NPAS3: variants seen among roughly 807,000 people sequenced by gnomAD.
NPAS3 encodes neuronal PAS domain protein 3.
NPAS3 carries 14 observed loss-of-function variants against 73.1 expected under a neutral mutation model. The ratio of observed to expected loss-of-function variants is 0.19; its 90% CI spans 0.13 to 0.30. The LOEUF is 0.30. Ranked by LOEUF, NPAS3 falls within the 10% of genes least tolerant of loss-of-function variation. The pLI, the probability that NPAS3 is intolerant of heterozygous loss-of-function variation, is 1.00. For missense variants in NPAS3, 1,096 were observed against 1,250.0 expected (o/e 0.88, Z 1.86); for synonymous variants, 620 against 541.5 (o/e 1.14, Z -2.01).
rs114999255 is a variant in NPAS3, at chr14:33,172,312, C to T, written c.141-42870C>T. On this transcript the variant is annotated intron_variant, in intron 2 of 11. Coordinates refer to ENST00000356141, the Ensembl canonical transcript of NPAS3. Reference sequence around the variant, plus strand: ...CACAGTGAAGCGAAATGCAGTAAGACGAAGTATGCCTGTACTTGAGAGTAG... The same window carrying T: ...CACAGTGAAGCGAAATGCAGTAAGATGAAGTATGCCTGTACTTGAGAGTAG... Among the ~76,000 whole-genome samples, 1,313 of 152,260 alleles carry T rather than the reference C, an allele frequency of 8.6e-3. 24 individuals are homozygous for T. Among genetic ancestry groups the T allele is most frequent in the African/African-American group, 0.03 (1,264 of 41,536 alleles).
intron 5 of NPAS3, among the ~76,000 whole-genome samples, chr14:33,614,514 T>A (rs1206692663): frequency 6.6e-6 from 1 of 152,132 alleles, no homozygotes; most frequent in Non-Finnish European, 1.5e-5. Context: ...GGATGAGGGG[T>A]CCAGTCCCTG....
At chr14:33,636,746 C>T (rs546762127) in intron 5 of NPAS3, among the ~76,000 whole-genome samples, 16 of 152,256 alleles carry the variant, frequency 1.1e-4, no homozygotes, top group African/African-American at 3.6e-4. Context: ...ATTCCAGAAA[C>T]CCACTGCCTG....
intron 2 of NPAS3, among the ~76,000 whole-genome samples, chr14:33,094,626 C>T (rs1275511575): frequency 1.3e-5 from 2 of 152,082 alleles, no homozygotes; most frequent in African/African-American, 4.8e-5. Flanking sequence ...CCATCATGCC[C>T]AGCTAATTTT....
chr14:33,251,006 A>G (rs2048563282), intron 3 of NPAS3, among the ~76,000 whole-genome samples: 1 of 152,160 alleles, frequency 6.6e-6, no homozygotes, highest in Non-Finnish European at 1.5e-5. Context: ...GGTAAAATAC[A>G]GTATATATTG....
At chr14:33,196,422 T>G (rs1302008564) in intron 2 of NPAS3, among the ~76,000 whole-genome samples, 1 of 152,214 alleles carries the variant, frequency 6.6e-6, no homozygotes, top group East Asian at 1.9e-4. Flanking sequence ...GGAAGCAAAC[T>G]CTACTTTTCA....
Position 33,104,463 on chromosome 14 carries a change from T to C in NPAS3, c.140+48469T>C, listed in dbSNP as rs2042664327. Among the ~76,000 whole-genome samples the C allele has an allele frequency of 2.0e-5, 3 of 152,212 alleles. No homozygotes were observed. The South Asian group carries it at 6.2e-4, about 32-fold the overall frequency. ...GTAGAAATTTTATATATAGTGAACTTGTCAAAAAGAAACTACAAATTTCTT... is the reference window on the plus strand; with the variant it reads ...GTAGAAATTTTATATATAGTGAACTCGTCAAAAAGAAACTACAAATTTCTT... On this transcript the variant is annotated intron_variant, in intron 2 of 11. Transcript: ENST00000356141.
At chr14:33,110,534 T>C (rs2042857682) in intron 2 of NPAS3, among the ~76,000 whole-genome samples, 1 of 152,172 alleles carries the variant, frequency 6.6e-6, no homozygotes. Flanking sequence ...ACCTTTTCAA[T>C]TTTTTAAGGG....
chr14:33,124,553 ATAT>A (rs1239719073), intron 2 of NPAS3, among the ~76,000 whole-genome samples: 2 of 152,122 alleles, frequency 1.3e-5, no homozygotes, highest in Non-Finnish European at 2.9e-5. Context: ...TCAGTACTAG[ATAT>A]TTTTATTGCT....
intron 7 of NPAS3, among the ~76,000 whole-genome samples, chr14:33,762,843 T>C (rs2062338002): frequency 6.6e-6 from 1 of 152,236 alleles, no homozygotes; most frequent in South Asian, 2.1e-4. Flanking sequence ...TTGCATATGC[T>C]GAATAGATAA....
chr14:33,647,802 G>C (rs1567086139), intron 5 of NPAS3, among the ~76,000 whole-genome samples: 1 of 152,052 alleles, frequency 6.6e-6, no homozygotes, highest in South Asian at 2.1e-4. Flanking sequence ...GGTTTCAGCT[G>C]CTTTTTCCTT....
chr14:33,644,994 T>A (rs906464916), intron 5 of NPAS3, among the ~76,000 whole-genome samples: 1 of 149,468 alleles, frequency 6.7e-6, no homozygotes, highest in Non-Finnish European at 1.5e-5. Flanking sequence ...GGCAGGAGAA[T>A]CGCTTGAAAC....
At chr14:33,801,851 G>C (rs1369547964), downstream of NPAS3, 2 of 151,770 alleles carry the variant, frequency 1.3e-5, no homozygotes, top group Non-Finnish European at 2.9e-5. Context: ...CTCCTGGGCT[G>C]GGTTTTGGGG....
chr14:33,586,248 T>TGTTTTTTTTTTTTTTTTTTTTTTGAGACG (rs2056857342), intron 5 of NPAS3, among the ~76,000 whole-genome samples: 1 of 150,398 alleles, frequency 6.6e-6, no homozygotes, highest in African/African-American at 2.5e-5. Context: ...GATGTTTTAT[T>TGTTTTTTTTTTTTTTTTTTTTTTGAGACG]GACTGTTTCA....
intron 2 of NPAS3, among the ~76,000 whole-genome samples, chr14:33,105,735 T>C (rs974001): frequency 0.23 from 34,541 of 151,950 alleles, 4,394 homozygotes; most frequent in East Asian, 0.44. Flanking sequence ...GCATACATAT[T>C]GAACATATAT....
chr14:33,673,598 C>A (rs1312897879), intron 5 of NPAS3, among the ~76,000 whole-genome samples: 1 of 152,202 alleles, frequency 6.6e-6, no homozygotes, highest in Non-Finnish European at 1.5e-5. Context: ...AAAGTGATTT[C>A]TTCTGCATAG....
At chr14:33,253,564 T>C (rs1415629774) in intron 3 of NPAS3, among the ~76,000 whole-genome samples, 2 of 152,098 alleles carry the variant, frequency 1.3e-5, no homozygotes, top group Non-Finnish European at 2.9e-5. Context: ...TGCTTATTAC[T>C]ACCTTATTTA....
intron 5 of NPAS3, among the ~76,000 whole-genome samples, chr14:33,625,452 G>T: frequency 6.6e-6 from 1 of 152,260 alleles, no homozygotes; most frequent in African/African-American, 2.4e-5. Context: ...CTTTGAAGAC[G>T]CTGCAGGAGA....
At chr14:32,977,451 G>C (rs924951390) in intron 1 of NPAS3, among the ~76,000 whole-genome samples, 1 of 151,834 alleles carries the variant, frequency 6.6e-6, no homozygotes, top group Non-Finnish European at 1.5e-5. Flanking sequence ...CTGGTTTAAG[G>C]CTGGGCATAG....
At chr14:33,566,226 TC>T (rs78749999) in intron 5 of NPAS3, among the ~76,000 whole-genome samples, 5 of 151,078 alleles carry the variant, frequency 3.3e-5, no homozygotes, top group Non-Finnish European at 7.4e-5. Context: ...AATTGATTTT[TC>T]CCCCCCGAAA....
Sources: gnomAD v4.1 joint callset for allele counts (sites outside exome capture counted in the v4.1 genomes callset) on GRCh38, gnomAD v4.1.1 for gene constraint, MANE v1.5 for transcripts, NCBI Gene and HGNC (gene_info 2026-07-23, HGNC 2026-07-21) for gene names.